Variants in GPT2 observed in about 807,000 individuals in gnomAD.
The protein encoded by GPT2 is alanine aminotransferase 2.
Under a neutral mutation model 56.9 loss-of-function variants are expected in GPT2, and 30 were observed. The observed-to-expected ratio is 0.53, with a 90% CI of 0.39 to 0.72. The LOEUF (loss-of-function observed/expected upper bound fraction) is 0.72. Ranked by LOEUF, GPT2 falls within the 30% of genes least tolerant of loss-of-function variation. The pLI is 0.00. For missense variants in GPT2, 542 were observed against 703.4 expected, an observed-to-expected ratio of 0.77 and a Z score of 2.60; for synonymous variants, 271 against 283.1, an observed-to-expected ratio of 0.96 and a Z score of 0.43.
chr16:46,926,650 C>T (rs928140129), intron 10 of GPT2, among the ~76,000 whole-genome samples: 6 of 152,206 alleles, frequency 3.9e-5, no homozygotes, highest in Admixed American at 3.9e-4. Context: ...ACTGCTGATG[C>T]CTGTTGAGTG....
At position 46,919,252 on chromosome 16, in the gene GPT2, G is replaced by A. The variant is rs182011643; in HGVS notation, c.1037+495G>A. The stretch of plus-strand genomic sequence containing the variant: ...AGTCCGGCACTGATCTCAGCACCGC[G>A]GATGCCGCAGCGAACACCCTCCTGC... On this transcript the variant is annotated intron_variant, in intron 8 of 11. Transcript: ENST00000340124. Among the ~76,000 whole-genome samples the A allele has an allele frequency of 2.3e-3, 355 of 152,332 alleles. 1 individual carries two copies. Among genetic ancestry groups the A allele is most frequent in the Admixed American group, 6.5e-3 (100 of 15,306 alleles).
At chr16:46,923,061 T>C (rs1961326159) in intron 9 of GPT2, among the ~76,000 whole-genome samples, 1 of 152,162 alleles carries the variant, frequency 6.6e-6, no homozygotes, top group Non-Finnish European at 1.5e-5. Context: ...CACACTGAGC[T>C]CTACCTGTTA....
intron 3 of GPT2, 44 bp from the exon 4 acceptor site, chr16:46,900,637 AG>A (rs773404740): frequency 6.8e-7 from 1 of 1,460,934 alleles, no homozygotes; most frequent in Non-Finnish European, 9.6e-7. Context: ...CTGGAGCTCT[AG>A]GAGTGGGGGT....
At chr16:46,908,705 C>T (rs1040275668) in intron 5 of GPT2, among the ~76,000 whole-genome samples, 2 of 152,188 alleles carry the variant, frequency 1.3e-5, no homozygotes, top group African/African-American at 4.8e-5. Flanking sequence ...CTACCAATCA[C>T]ATCATCTTCC....
intron 2 of GPT2, among the ~76,000 whole-genome samples, chr16:46,893,638 C>G (rs1483082352): frequency 7.9e-5 from 12 of 152,194 alleles, no homozygotes; most frequent in African/African-American, 2.9e-4. Context: ...CCTGCTAACA[C>G]CCTATGAAAT....
intron 5 of GPT2, among the ~76,000 whole-genome samples, chr16:46,908,689 C>G (rs948823422): frequency 6.6e-6 from 1 of 152,158 alleles, no homozygotes; most frequent in Non-Finnish European, 1.5e-5. Context: ...AACATTGGAG[C>G]TCCAGCTACC....
At chr16:46,911,618 C>T (rs986862974) in intron 6 of GPT2, among the ~76,000 whole-genome samples, 2 of 152,114 alleles carry the variant, frequency 1.3e-5, no homozygotes, top group Non-Finnish European at 2.9e-5. Flanking sequence ...TCTGAGATAT[C>T]GGTAGCCTGT....
chr16:46,893,454 C>T (rs1277106722), intron 2 of GPT2, among the ~76,000 whole-genome samples: 2 of 152,158 alleles, frequency 1.3e-5, no homozygotes, highest in Admixed American at 6.5e-5. Flanking sequence ...TTTTGATCCA[C>T]GGTTGGTTGA....
intron 4 of GPT2, among the ~76,000 whole-genome samples, chr16:46,903,212 G>A (rs1195621412): frequency 1.3e-5 from 2 of 151,676 alleles, no homozygotes; most frequent in Non-Finnish European, 2.9e-5. Flanking sequence ...TCATGCCATT[G>A]CACTCCAGCC....
At chr16:46,924,570 C>G in intron 10 of GPT2, 26 bp downstream of exon 10, 2 of 1,611,530 alleles carry the variant, frequency 1.2e-6, no homozygotes, top group Non-Finnish European at 1.7e-6. Flanking sequence ...TGGGCTGGCT[C>G]TCTCTTACCA....
intron 8 of GPT2, among the ~76,000 whole-genome samples, chr16:46,920,091 G>T (rs915099855): frequency 1.3e-5 from 2 of 152,230 alleles, no homozygotes; most frequent in African/African-American, 4.8e-5. Context: ...CGCGCTTCCA[G>T]CTACTCAGGA....
rs78419877 is a variant in GPT2 at position 46,911,427 on chromosome 16, G to A, written c.820+1500G>A. 2.5e-3 allele frequency among the ~76,000 whole-genome samples: 381 copies of A among 152,292 alleles called. 1 individual carries two copies. Among genetic ancestry groups the A allele is most frequent in the Non-Finnish European group, 2.9e-3 (197 of 68,026 alleles). On this transcript the variant is annotated intron_variant, in intron 6 of 11. Transcript: ENST00000340124. ...AGCTGAAAACACCCCTTGAATTCCC[G>A]AGTGCAGAAAATGGGTGCAGCTGGC...
In GPT2 at chr16:46,916,623, T is replaced by TTAA; in HGVS notation, c.821-5_821-4insTAA. On this transcript the variant is annotated splice_polypyrimidine_tract_variant and splice_region_variant and intron_variant, in intron 6 of 11. Transcript: ENST00000340124. ...GACATTTTGGTTTTCTTGGGGATTTTATAGGCCAGGTACAAAGCAGAAAGT... is the reference window on the plus strand; with the variant it reads ...GACATTTTGGTTTTCTTGGGGATTTTTAAATAGGCCAGGTACAAAGCAGAAAGT... 6.2e-7 allele frequency: 1 copy of TTAA among 1,612,180 alleles called. No homozygotes were observed. The highest frequency in any genetic ancestry group is 8.5e-7 in the Non-Finnish European group (1 of 1,178,226).
chr16:46,897,755 G>A lies in GPT2; in HGVS notation c.333+18G>A. ...TCCGGCAGGTGAGCCGCCCCCAGGA[G>A]CAGAGGCTGCAGGAGGGCAGGGCCC... On this transcript the variant is annotated intron_variant, in intron 3 of 11. Transcript: ENST00000340124. 1 of 1,611,818 alleles carries A rather than the reference G, an allele frequency of 6.2e-7. No homozygotes were observed. The highest frequency in any genetic ancestry group is 8.5e-7 in the Non-Finnish European group (1 of 1,178,134).
chr16:46,910,330 G>C (rs1961022178), intron 6 of GPT2, among the ~76,000 whole-genome samples: 2 of 124,908 alleles, frequency 1.6e-5, no homozygotes, highest in Non-Finnish European at 3.1e-5. Flanking sequence ...GCAGTGAGCT[G>C]AGATCACGCC....
chr16:46,906,840 A>G lies in GPT2; in HGVS notation c.443-2A>G. On this transcript the variant is annotated splice_acceptor_variant, in intron 4 of 11. Transcript: ENST00000340124. LOFTEE classifies it high-confidence loss of function. ...GTTACTGTCTTGCCTGCTGTCTTAC[A>G]GGGTCCTACAGTGCTAGCCAGGGTG... 6.2e-7 allele frequency: 1 copy of G among 1,614,070 alleles called. No individual in the cohort carries two copies. Among genetic ancestry groups the G allele is most frequent in the Non-Finnish European group, 8.5e-7 (1 of 1,179,962 alleles).
chr16:46,894,447 C>T (rs1221841510), intron 2 of GPT2, among the ~76,000 whole-genome samples: 1 of 152,330 alleles, frequency 6.6e-6, no homozygotes, highest in East Asian at 1.9e-4. Context: ...TGCCAGGAGC[C>T]CAGGCCAGTG....
At chr16:46,923,857 T>C (rs949619490) in intron 9 of GPT2, 3 of 245,454 alleles carry the variant, frequency 1.2e-5, no homozygotes, top group African/African-American at 6.7e-5. Flanking sequence ...CCTAGAAGCA[T>C]GTTCTGAGGA....
chr16:46,909,099 G>T (rs1960992555), intron 5 of GPT2, among the ~76,000 whole-genome samples: 2 of 148,518 alleles, frequency 1.3e-5, no homozygotes, highest in South Asian at 4.4e-4. Flanking sequence ...AGAGTCCCCT[G>T]TTGGGGTGGG....
Sources: allele counts gnomAD v4.1 joint callset (sites outside exome capture counted in the v4.1 genomes callset), GRCh38; gene constraint gnomAD v4.1.1; transcripts MANE v1.5; gene names NCBI Gene and HGNC (gene_info 2026-07-23, HGNC 2026-07-21).